RFTN2: variants seen among roughly 807,000 people sequenced by gnomAD.
The protein encoded by RFTN2 is raftlin-2.
RFTN2 carries 34 observed loss-of-function variants against 52.7 expected under a neutral mutation model. The observed-to-expected ratio is 0.64, with a 90% CI of 0.49 to 0.86. The LOEUF is 0.86. Ranked by LOEUF, RFTN2 falls within the 40% of genes least tolerant of loss-of-function variation. The probability of loss-of-function intolerance (pLI) is 0.00; values close to 1 mark genes in which losing one functional copy is unlikely to be tolerated. For synonymous variants in RFTN2, 203 were observed against 217.7 expected (o/e 0.93, Z 0.59); for missense variants, 536 against 600.1 (o/e 0.89, Z 1.12).
chr2:197,673,597 C>G (rs765831327), intron 1 of RFTN2, among the ~76,000 whole-genome samples: 6 of 152,136 alleles, frequency 3.9e-5, no homozygotes, highest in Non-Finnish European at 5.9e-5. Context: ...TAAACTTTTA[C>G]AGTGTAATAC....
intron 1 of RFTN2, among the ~76,000 whole-genome samples, chr2:197,649,438 A>G (rs1574741941): frequency 1.3e-5 from 2 of 152,346 alleles, no homozygotes; most frequent in Admixed American, 1.3e-4. Flanking sequence ...TCTTTGAATG[A>G]AATCCAGAAA....
intron 5 of RFTN2, among the ~76,000 whole-genome samples, chr2:197,620,880 C>T (rs892324842): frequency 2.5e-4 from 38 of 152,272 alleles, no homozygotes; most frequent in African/African-American, 6.3e-4. Flanking sequence ...GCAGGAGAAT[C>T]GCTTGAACCC....
chr2:197,646,483 C>T lies in RFTN2; in HGVS notation c.323G>A (p.Ser108Asn), dbSNP rs2088750383. The T allele has an allele frequency of 6.2e-7, 1 of 1,612,254 alleles. No homozygotes were observed. Among genetic ancestry groups the T allele is most frequent in the Non-Finnish European group, 8.5e-7 (1 of 1,179,142 alleles). ...CCTCTTTCTTGAATAGTGTGCTTAC[C>T]TTAATTTCAAGCGCAATAGCACCAC... The part of the protein sequence containing the change: ...YRVVLLRLKL[S>N]PKNSAAPSGQ... Residue 108 changes from serine to asparagine, a missense_variant and splice_region_variant, in exon 2 of 9, where the codon AGC becomes AAC. Ser to Asn is a conservative substitution (Grantham distance 46). Coordinates refer to ENST00000295049, the MANE Select transcript of RFTN2 (RefSeq NM_144629.3).
At chr2:197,584,977 T>C (rs2087572375) in intron 8 of RFTN2, among the ~76,000 whole-genome samples, 1 of 152,204 alleles carries the variant, frequency 6.6e-6, no homozygotes, top group Non-Finnish European at 1.5e-5. Flanking sequence ...CTTGATGGAC[T>C]GGACCCTACT....
chr2:197,626,506 G>C (rs1244918276), intron 5 of RFTN2, among the ~76,000 whole-genome samples: 1 of 149,340 alleles, frequency 6.7e-6, no homozygotes, highest in African/African-American at 2.5e-5. Context: ...CAAGGCTACA[G>C]TGAACTATGA....
chr2:197,585,771 C>T (rs190553641), intron 8 of RFTN2, among the ~76,000 whole-genome samples: 10 of 152,312 alleles, frequency 6.6e-5, no homozygotes, highest in African/African-American at 2.4e-4. Context: ...CCTTTACCCT[C>T]CTGAAGAACT....
chr2:197,605,377 G>A (rs1021604837), intron 7 of RFTN2, among the ~76,000 whole-genome samples: 4 of 151,908 alleles, frequency 2.6e-5, no homozygotes, highest in Admixed American at 1.3e-4. Flanking sequence ...CACCACGCCC[G>A]GCTAATTTTT....
chr2:197,629,167 T>G (rs2088418790), intron 5 of RFTN2, among the ~76,000 whole-genome samples: 2 of 152,198 alleles, frequency 1.3e-5, no homozygotes, highest in Non-Finnish European at 2.9e-5. Flanking sequence ...GTGGCACTAT[T>G]CATAATAGCA....
chr2:197,631,923 C>T (rs995771171), intron 4 of RFTN2, among the ~76,000 whole-genome samples: 5 of 152,130 alleles, frequency 3.3e-5, no homozygotes, highest in African/African-American at 1.2e-4. Context: ...ATGGATTTCA[C>T]CAGATACTCA....
intron 1 of RFTN2, among the ~76,000 whole-genome samples, chr2:197,661,387 T>C (rs1319895934): frequency 1.3e-5 from 2 of 151,900 alleles, no homozygotes; most frequent in African/African-American, 4.8e-5. Context: ...CATGCTACCA[T>C]GTTTTGGTAG....
chr2:197,569,355 T>C lies in RFTN2; in HGVS notation c.*2653A>G, dbSNP rs1402257140. On this transcript the variant is annotated 3_prime_UTR_variant, in exon 9 of 9. Coordinates refer to ENST00000295049, the MANE Select transcript of RFTN2 (RefSeq NM_144629.3). ...TTAGACATATTTAACTCCTTAGGCA[T>C]AGAGAGCCCAAGTTTTTTTCTTTTT... The C allele has an allele frequency of 6.6e-6, 1 of 152,206 alleles. No homozygotes were observed. The highest frequency in any genetic ancestry group is 6.5e-5 in the Admixed American group (1 of 15,278). 9.4% of individuals were successfully genotyped at this position (152,206 alleles called of 1,614,324 possible).
At chr2:197,632,465 G>A (rs768453834) in intron 4 of RFTN2, among the ~76,000 whole-genome samples, 2 of 152,136 alleles carry the variant, frequency 1.3e-5, no homozygotes, top group African/African-American at 2.4e-5. Context: ...AGAAGGACAT[G>A]TTTGCTTTCC....
chr2:197,603,517 A>G (rs888123664), intron 7 of RFTN2, among the ~76,000 whole-genome samples: 3 of 152,152 alleles, frequency 2.0e-5, no homozygotes, highest in African/African-American at 7.2e-5. Context: ...GGGTCTTGCT[A>G]TGTTGCCCAG....
chr2:197,601,799 A>G (rs2087885380), intron 7 of RFTN2, among the ~76,000 whole-genome samples: 1 of 152,146 alleles, frequency 6.6e-6, no homozygotes, highest in Non-Finnish European at 1.5e-5. Context: ...ACAAATGTTC[A>G]TTTTTCTTGG....
chr2:197,625,716 C>CCTCTCCTCTCCTT (rs2088346689), intron 5 of RFTN2, among the ~76,000 whole-genome samples: 1 of 140,922 alleles, frequency 7.1e-6, no homozygotes, highest in Non-Finnish European at 1.6e-5. Context: ...CTCCTCTCCT[C>CCTCTCCTCTCCTT]TCCTCCCCTC....
intron 7 of RFTN2, among the ~76,000 whole-genome samples, chr2:197,610,457 G>T (rs1401349927): frequency 6.6e-6 from 1 of 152,172 alleles, no homozygotes; most frequent in Non-Finnish European, 1.5e-5. Flanking sequence ...TTTGCACATT[G>T]ATTTTGTATC....
intron 8 of RFTN2, among the ~76,000 whole-genome samples, chr2:197,580,413 G>T (rs1156283652): frequency 6.6e-6 from 1 of 152,192 alleles, no homozygotes; most frequent in Non-Finnish European, 1.5e-5. Context: ...CTGGCCACTG[G>T]GCCAAGGAAT....
chr2:197,653,198 C>G (rs1283802159), intron 1 of RFTN2, among the ~76,000 whole-genome samples: 1 of 152,182 alleles, frequency 6.6e-6, no homozygotes, highest in Non-Finnish European at 1.5e-5. Flanking sequence ...TATTGCCTAG[C>G]AGACAGATGT....
chr2:197,643,276 A>C (rs2088700128), intron 3 of RFTN2, among the ~76,000 whole-genome samples: 1 of 151,422 alleles, frequency 6.6e-6, no homozygotes, highest in Non-Finnish European at 1.5e-5. Flanking sequence ...GGTTTTGTAG[A>C]GTTGGGGGTC....
Sources: gnomAD v4.1 joint callset for allele counts (sites outside exome capture counted in the v4.1 genomes callset) on GRCh38, gnomAD v4.1.1 for gene constraint, MANE v1.5 for transcripts, NCBI Gene and HGNC (gene_info 2026-07-23, HGNC 2026-07-21) for gene names.